Variants in VRK2 observed in about 807,000 individuals in gnomAD.
VRK2 encodes the protein serine/threonine-protein kinase VRK2.
A neutral mutation model predicts 57.6 loss-of-function variants in VRK2; 60 were observed. That is an observed-to-expected ratio of 1.04 (90% CI 0.85 to 1.29). The LOEUF (loss-of-function observed/expected upper bound fraction) is 1.29, where lower values mean the gene tolerates loss of function less well. Ranked by LOEUF, VRK2 falls within the 50% of genes most tolerant of loss-of-function variation. VRK2 has a pLI of 0.00. For synonymous variants in VRK2, 231 were observed against 199.2 expected (o/e 1.16, Z -1.35); for missense variants, 705 against 588.1 (o/e 1.20, Z -2.06).
rs33918637 is a variant in VRK2, at chr2:57,909,476, G to GTGT, written c.-439+1638_-439+1639insGTT. Among the ~76,000 whole-genome samples the GTGT allele has an allele frequency of 6.1e-4, 68 of 111,684 alleles. 1 individual carries two copies. Among genetic ancestry groups the GTGT allele is most frequent in the Admixed American group, 2.5e-3 (28 of 11,088 alleles). 73.3% of individuals were successfully genotyped at this position (111,684 alleles called of 152,430 possible). On this transcript the variant is annotated intron_variant, in intron 1 of 15. Coordinates refer to the VRK2 transcript ENST00000417641. The stretch of plus-strand genomic sequence containing the variant: ...AGCCTGAGTGTATGTGTGTGTGTGT[G>GTGT]TTTTTTTTTTAGTTCTCAAAAGGAG...
intron 7 of VRK2, among the ~76,000 whole-genome samples, chr2:58,118,914 G>C (rs1553413856): frequency 5.9e-5 from 9 of 152,196 alleles, no homozygotes; most frequent in Non-Finnish European, 1.3e-4. Flanking sequence ...AAGGTGCTCA[G>C]TGGGGTAGCT....
chr2:57,942,303 A>T (rs1299629382), intron 1 of VRK2, among the ~76,000 whole-genome samples: 1 of 152,230 alleles, frequency 6.6e-6, no homozygotes, highest in Non-Finnish European at 1.5e-5. Flanking sequence ...TTCCAAAGCA[A>T]CTAATTTGTG....
In VRK2 at chr2:57,932,450, A is replaced by C. The variant is rs187444576; in HGVS notation, c.-439+24611A>C. Among the ~76,000 whole-genome samples the C allele has an allele frequency of 1.5e-3, 233 of 152,276 alleles. 1 individual carries two copies. The highest frequency in any genetic ancestry group is 2.2e-3 in the Admixed American group (33 of 15,300). On this transcript the variant is annotated intron_variant, in intron 1 of 15. Coordinates refer to the VRK2 transcript ENST00000417641. ...ATTGATTATCTTTTTAAAGGAATTT[A>C]TCAACTTATTCTAGGTTATCCAATT...
rs1681038005 is a variant in VRK2, at chr2:58,139,672, T to A, written c.863T>A (p.Ile288Lys). 6.2e-7 allele frequency: 1 copy of A among 1,610,506 alleles called. No individual in the cohort carries two copies. Among genetic ancestry groups the A allele is most frequent in the Non-Finnish European group, 8.5e-7 (1 of 1,178,568 alleles). The change falls in exon 11 of 13, where the codon ATA (isoleucine) becomes AAA (lysine). Residue 288 changes from isoleucine to lysine, a missense_variant. Physicochemically the swap from Ile to Lys is moderately radical, Grantham distance 102 (BLOSUM62 -3). Coordinates refer to ENST00000340157, the MANE Select transcript of VRK2 (RefSeq NM_006296.7). ...WAPSGSSCCEIAQFLVCAHSL... is the reference protein window; with the variant it reads ...WAPSGSSCCEKAQFLVCAHSL... ...AAAATTTAATAATTCACAGGTGAAA[T>A]AGCCCAATTTTTGGTATGTGCTCAT...
chr2:58,141,656 ATATAT>A (rs1189918052), intron 11 of VRK2, among the ~76,000 whole-genome samples: 3 of 152,004 alleles, frequency 2.0e-5, no homozygotes, highest in Non-Finnish European at 4.4e-5. Context: ...AAGTGCATAC[ATATAT>A]TTAATAATGA....
intron 1 of VRK2, among the ~76,000 whole-genome samples, chr2:57,934,465 C>T (rs912458429): frequency 5.9e-5 from 9 of 152,276 alleles, no homozygotes; most frequent in African/African-American, 9.6e-5. Flanking sequence ...TTCCCCAGTA[C>T]GTAACTAGCC....
At chr2:58,102,800 A>G (rs1674185144) in intron 7 of VRK2, among the ~76,000 whole-genome samples, 3 of 151,690 alleles carry the variant, frequency 2.0e-5, no homozygotes, top group Admixed American at 2.0e-4. Flanking sequence ...TCATCATCAC[A>G]GGGAACATTC....
intron 1 of VRK2, among the ~76,000 whole-genome samples, chr2:57,990,364 T>C (rs942382647): frequency 3.3e-5 from 5 of 152,194 alleles, no homozygotes; most frequent in Admixed American, 6.5e-5. Flanking sequence ...CACTGGACCA[T>C]AGACAGTGCA....
Position 58,086,447 on chromosome 2 carries a change from T to A in VRK2, c.344+21T>A, listed in dbSNP as rs1050731168. The A allele has an allele frequency of 5.2e-6, 8 of 1,550,660 alleles. No individual in the cohort carries two copies. In the East Asian group the frequency reaches 9.2e-5, roughly 18 times the overall value. On this transcript the variant is annotated intron_variant, in intron 5 of 12. Coordinates refer to ENST00000340157, the MANE Select transcript of VRK2 (RefSeq NM_006296.7). ...AGAAGGTAAAATGGAATTATTATAA[T>A]CAAATATTTCTTTATAACTATTCCT...
chr2:58,047,580 G>T, intron 1 of VRK2: 1 of 478,426 alleles, frequency 2.1e-6, no homozygotes, highest in Non-Finnish European at 2.7e-6. Context: ...TTAATCAGTA[G>T]TTTACACTTT....
At chr2:57,973,278 T>C (rs1672150528) in intron 1 of VRK2, among the ~76,000 whole-genome samples, 2 of 151,856 alleles carry the variant, frequency 1.3e-5, no homozygotes, top group African/African-American at 4.8e-5. Flanking sequence ...TTTGAACATA[T>C]TTTCCTATTT....
chr2:58,131,935 A>T lies in VRK2; in HGVS notation c.797+7A>T, dbSNP rs55836255. 3.8e-3 allele frequency: 6,153 copies of T among 1,613,942 alleles called. 237 individuals carry two copies. The African/African-American group carries it at 0.075, about 20-fold the overall frequency. On this transcript the variant is annotated splice_region_variant and intron_variant, in intron 9 of 12. Transcript: ENST00000340157. ...TGCAGACTGCTAAAACAAAGTACAAATTTTCAAGTATTTCATCATGTACTG... is the reference window on the plus strand; with the variant it reads ...TGCAGACTGCTAAAACAAAGTACAATTTTTCAAGTATTTCATCATGTACTG...
At position 58,041,186 on chromosome 2, in the gene VRK2, G is replaced by T. The variant is rs1319981805; in HGVS notation, c.-6+7633G>T. On this transcript the variant is annotated intron_variant, in intron 3 of 15. Coordinates refer to the VRK2 transcript ENST00000417641. The stretch of plus-strand genomic sequence containing the variant: ...TACCACTTTTGGCTAGTCAATATTT[G>T]GTTTACTACATTCAATTGTTTGAGA... 5 of 406,150 alleles carry T rather than the reference G, an allele frequency of 1.2e-5. No homozygotes were observed. The East Asian group carries it at 6.5e-4, about 53-fold the overall frequency. The allele number at this position is 406,150 out of a possible 1,614,324, so 25.2% of individuals were successfully genotyped here. A position where few individuals can be genotyped will look rare whatever the true frequency, so the allele number is the denominator to read the frequency against.
intron 10 of VRK2, among the ~76,000 whole-genome samples, chr2:58,137,901 T>A (rs1680773923): frequency 6.6e-6 from 1 of 152,134 alleles, no homozygotes; most frequent in Non-Finnish European, 1.5e-5. Flanking sequence ...AAACCAGTAT[T>A]ACATCACAAT....
At chr2:57,959,908 G>GA (rs1671704541) in intron 1 of VRK2, among the ~76,000 whole-genome samples, 1 of 152,028 alleles carries the variant, frequency 6.6e-6, no homozygotes, top group African/African-American at 2.4e-5. Context: ...TTAGAGGGGG[G>GA]TTTGTTAGAA....
At chr2:57,928,071 C>T (rs1670600077) in intron 1 of VRK2, among the ~76,000 whole-genome samples, 3 of 152,092 alleles carry the variant, frequency 2.0e-5, no homozygotes, top group African/African-American at 7.2e-5. Flanking sequence ...TGATGTCTTT[C>T]TCTAGGCTTG....
At chr2:58,140,340 C>G (rs1681149809) in intron 11 of VRK2, among the ~76,000 whole-genome samples, 1 of 151,902 alleles carries the variant, frequency 6.6e-6, no homozygotes, top group Admixed American at 6.6e-5. Context: ...TACACCTCTT[C>G]TTTTAGTCTG....
chr2:58,081,203 T>A (rs1206207018), intron 2 of VRK2, among the ~76,000 whole-genome samples: 2 of 151,998 alleles, frequency 1.3e-5, no homozygotes, highest in African/African-American at 4.8e-5. Context: ...ACTCCACATG[T>A]AATACTATCA....
At chr2:57,926,997 CTTGTGT>C (rs1274597346) in intron 1 of VRK2, among the ~76,000 whole-genome samples, 7 of 130,326 alleles carry the variant, frequency 5.4e-5, no homozygotes, top group South Asian at 2.7e-4. Context: ...GTTTTAATTT[CTTGTGT>C]GTGTGTGTGT....
Sources: allele counts gnomAD v4.1 joint callset (sites outside exome capture counted in the v4.1 genomes callset), GRCh38; gene constraint gnomAD v4.1.1; transcripts MANE v1.5; gene names NCBI Gene and HGNC (gene_info 2026-07-23, HGNC 2026-07-21).